The following DNAH6 variants were observed in gnomAD, a reference collection of about 807,000 sequenced individuals.
DNAH6 encodes the protein dynein axonemal heavy chain 6.
In DNAH6, 340 loss-of-function variants were observed where a neutral mutation model predicts 491.4. That is an observed-to-expected ratio of 0.69 (90% confidence interval 0.63 to 0.76). The LOEUF is 0.76. Among genes scored for constraint, DNAH6 ranks in the 30% least tolerant of loss-of-function variants. The probability of loss-of-function intolerance (pLI) is 0.00; values close to 1 mark genes in which losing one functional copy is unlikely to be tolerated. For missense variants in DNAH6, 4,443 were observed against 4,972.2 expected, an observed-to-expected ratio of 0.89 and a Z score of 3.20; for synonymous variants, 1,603 against 1,686.1, an observed-to-expected ratio of 0.95 and a Z score of 1.21.
At position 84,557,850 on chromosome 2, in the gene DNAH6, A is replaced by G; in HGVS notation, c.1718A>G (p.Glu573Gly). ...AGCCCTTATATTAACAACAAACTTG[A>G]AGGAAAAACCTGTGGAACTGGGCCA... ...FTSPYINNKL[E>G]GKTCGTGPSL... is the part of the protein sequence containing the mutation. The change falls in exon 11 of 77, where the codon GAA (glutamate) becomes GGA (glycine). Residue 573 changes from glutamate to glycine, a missense_variant. By Grantham distance (98) the Glu-to-Gly change is moderately conservative (BLOSUM62 -2). Transcript: ENST00000389394. 6.2e-7 allele frequency: 1 copy of G among 1,613,208 alleles called. No homozygotes were observed. Among genetic ancestry groups the G allele is most frequent in the Non-Finnish European group, 8.5e-7 (1 of 1,179,492 alleles).
intron 49 of DNAH6, 67 bp downstream of exon 49, chr2:84,701,406 A>G: frequency 6.8e-7 from 1 of 1,460,146 alleles, no homozygotes; most frequent in Non-Finnish European, 9.3e-7. Context: ...AATGCATGGA[A>G]ACTCTATGCA....
At chr2:84,474,046 G>A in the DNAH6 span, among the ~76,000 whole-genome samples, 43 of 152,074 alleles carry the variant, frequency 2.8e-4, no homozygotes, top group Non-Finnish European at 5.0e-4. Flanking sequence ...TATTTATGGC[G>A]GGAACAGTAA....
chr2:84,583,969 A>G (rs1439705743), intron 14 of DNAH6, 30 bp from the exon 15 acceptor site: 1 of 1,608,452 alleles, frequency 6.2e-7, no homozygotes, highest in African/African-American at 1.3e-5. Context: ...ATTCTGCTAC[A>G]TTTAATGAGC....
intron 57 of DNAH6, 90 bp from the exon 58 acceptor site, chr2:84,715,470 C>T: frequency 8.1e-7 from 1 of 1,232,662 alleles, no homozygotes; most frequent in Non-Finnish European, 1.1e-6. Flanking sequence ...ATACATCCGC[C>T]TGGGTAGTAA....
At chr2:84,721,113 A>G (rs868611145) in intron 59 of DNAH6, among the ~76,000 whole-genome samples, 2 of 152,222 alleles carry the variant, frequency 1.3e-5, no homozygotes, top group East Asian at 1.9e-4. Flanking sequence ...ATAGTATTCT[A>G]ATATTCTTTG....
At chr2:84,695,878 T>G (rs547086737) in intron 46 of DNAH6, among the ~76,000 whole-genome samples, 1 of 152,198 alleles carries the variant, frequency 6.6e-6, no homozygotes, top group East Asian at 1.9e-4. Context: ...CAAGTCATAT[T>G]GTGTTGCTTC....
intron 11 of DNAH6, among the ~76,000 whole-genome samples, chr2:84,560,040 G>A (rs962922806): frequency 3.3e-5 from 5 of 152,030 alleles, no homozygotes. Flanking sequence ...TAATTATAAT[G>A]GAAGACAGGC....
At position 84,574,525 on chromosome 2, in the gene DNAH6, A is replaced by T. The variant is rs183930437; in HGVS notation, c.1924+938A>T. Reference sequence around the variant, plus strand: ...AGATCAGTCATTGTATCTGATTGTTATGTCCCTTAAATTTTAAAAATCTGA... The same window carrying T: ...AGATCAGTCATTGTATCTGATTGTTTTGTCCCTTAAATTTTAAAAATCTGA... On this transcript the variant is annotated intron_variant, in intron 12 of 76. Transcript: ENST00000389394. Among the ~76,000 whole-genome samples, 419 of 152,312 alleles carry T rather than the reference A, an allele frequency of 2.8e-3. 3 individuals carry two copies. Among genetic ancestry groups the T allele is most frequent in the African/African-American group, 0.01 (417 of 41,578 alleles).
intron 18 of DNAH6, among the ~76,000 whole-genome samples, chr2:84,600,851 T>C (rs1251459389): frequency 6.6e-6 from 1 of 151,536 alleles, no homozygotes; most frequent in Non-Finnish European, 1.5e-5. Context: ...ACTTAAGGGG[T>C]GGAAATTTCT....
At chr2:84,808,761 C>A (rs541601195) in intron 72 of DNAH6, among the ~76,000 whole-genome samples, 35 of 152,314 alleles carry the variant, frequency 2.3e-4, no homozygotes, top group African/African-American at 8.2e-4. Context: ...ATTACAAATT[C>A]TCAGTCTCCT....
At chr2:84,745,364 ACT>A (rs1672863787) in intron 63 of DNAH6, 115 bp downstream of exon 63, 2 of 853,584 alleles carry the variant, frequency 2.3e-6, no homozygotes, top group East Asian at 6.2e-5. Flanking sequence ...TTGGGAGATG[ACT>A]CAAAAAAATG....
intron 4 of DNAH6, among the ~76,000 whole-genome samples, chr2:84,532,156 AGAG>A (rs905951226): frequency 2.0e-5 from 3 of 152,182 alleles, no homozygotes; most frequent in African/African-American, 4.8e-5. Context: ...AAAGTATTGA[AGAG>A]GAGACTGAAA....
chr2:84,688,739 T>C (rs1694547434), intron 45 of DNAH6, 146 bp downstream of exon 45: 1 of 634,684 alleles, frequency 1.6e-6, no homozygotes, highest in Non-Finnish European at 2.5e-6. Flanking sequence ...TAAGAGTTAT[T>C]GTTTAACATA....
At chr2:84,809,212 A>T (rs1449292991) in intron 72 of DNAH6, among the ~76,000 whole-genome samples, 3 of 152,264 alleles carry the variant, frequency 2.0e-5, no homozygotes, top group African/African-American at 7.2e-5. Context: ...GATAAGAGAA[A>T]AAGAATAACT....
chr2:84,777,383 G>T, intron 64 of DNAH6: 1 of 422,262 alleles, frequency 2.4e-6, no homozygotes, highest in South Asian at 3.7e-5. Flanking sequence ...CAAAATGCAA[G>T]GAACATTAAG....
intron 4 of DNAH6, among the ~76,000 whole-genome samples, chr2:84,530,413 A>T (rs1677052094): frequency 6.6e-6 from 1 of 152,148 alleles, no homozygotes; most frequent in South Asian, 2.1e-4. Context: ...CAGGAAAATG[A>T]ATACAAACAT....
the DNAH6 span, among the ~76,000 whole-genome samples, chr2:84,482,223 T>C: frequency 2.0e-5 from 3 of 152,146 alleles, no homozygotes; most frequent in African/African-American, 7.2e-5. Context: ...AACGCCTACC[T>C]CACAGGGTTG....
chr2:84,497,469 C>A, the DNAH6 span, among the ~76,000 whole-genome samples: 30 of 152,160 alleles, frequency 2.0e-4, no homozygotes, highest in Admixed American at 6.5e-4. Flanking sequence ...GGGTAAATAC[C>A]TAAGAATAAA....
chr2:84,655,043 G>T (rs1690811991), intron 35 of DNAH6, among the ~76,000 whole-genome samples: 1 of 151,924 alleles, frequency 6.6e-6, no homozygotes, highest in South Asian at 2.1e-4. Flanking sequence ...CTTCTCCCCA[G>T]ACTAGAAACA....
Sources: gnomAD v4.1 joint callset for allele counts (sites outside exome capture counted in the v4.1 genomes callset) on GRCh38, gnomAD v4.1.1 for gene constraint, MANE v1.5 for transcripts, NCBI Gene and HGNC (gene_info 2026-07-23, HGNC 2026-07-21) for gene names.